Variants in MEF2A observed in about 807,000 individuals in gnomAD.
MEF2A encodes myocyte enhancer factor 2A, also known as myocyte-specific enhancer factor 2A.
Under a neutral mutation model 55.8 loss-of-function variants are expected in MEF2A, and 28 were observed. The observed-to-expected ratio is 0.50, with a 90% confidence interval of 0.37 to 0.69. The LOEUF is 0.69. Among genes scored for constraint, MEF2A ranks in the 30% least tolerant of loss-of-function variants. The pLI is 0.00. For synonymous variants in MEF2A, 239 were observed against 227.1 expected (o/e 1.05, Z -0.47); for missense variants, 528 against 626.2 (o/e 0.84, Z 1.67).
intron 8 of MEF2A, among the ~76,000 whole-genome samples, chr15:99,697,924 G>A (rs568149083): frequency 2.6e-5 from 4 of 152,274 alleles, no homozygotes; most frequent in Admixed American, 1.3e-4. Context: ...ACACCTATAC[G>A]TATATATTCA....
At chr15:99,665,731 CAAAAAAAA>C (rs752473261) in intron 4 of MEF2A, among the ~76,000 whole-genome samples, 11 of 20,254 alleles carry the variant, frequency 5.4e-4, no homozygotes, top group East Asian at 4.5e-3. Flanking sequence ...CTTAAATTTA[CAAAAAAAA>C]AAAAAAAAAA....
intron 8 of MEF2A, among the ~76,000 whole-genome samples, chr15:99,698,727 G>T (rs2153759448): frequency 6.6e-6 from 1 of 152,164 alleles, no homozygotes; most frequent in South Asian, 2.1e-4. Flanking sequence ...AGGAGGCAAA[G>T]GTTGCAGTGA....
chr15:99,712,533 A>AGCAGCCGCCGCCACCACC lies in MEF2A; in HGVS notation c.1287_1304dup (p.Pro430_Pro435dup). On this transcript the variant is annotated inframe_insertion, in exon 12 of 12. Transcript: ENST00000557942. This position sits in a 1 kb window ranked among gnomAD's most constrained non-coding sequence, Gnocchi z 4.1. The stretch of plus-strand genomic sequence containing the variant: ...CAGCAGCAGCAGCAGCAGCAGCAGC[A>AGCAGCCGCCGCCACCACC]GCAGCCGCCGCCACCACCGCAGCCC... 1 of 1,381,318 alleles carries AGCAGCCGCCGCCACCACC rather than the reference A, an allele frequency of 7.2e-7. No individual in the cohort carries two copies. The allele number at this position is 1,381,318 out of a possible 1,614,324, so 85.6% of individuals were successfully genotyped here. A position where few individuals can be genotyped will look rare whatever the true frequency, so the allele number is the denominator to read the frequency against.
intron 1 of MEF2A, among the ~76,000 whole-genome samples, chr15:99,585,920 G>T (rs1243300960): frequency 6.6e-6 from 1 of 151,772 alleles, no homozygotes; most frequent in Non-Finnish European, 1.5e-5. Context: ...AAATTTGTAG[G>T]TTTTTTTCCT....
At chr15:99,597,389 C>T (rs1320295858) in intron 1 of MEF2A, among the ~76,000 whole-genome samples, 3 of 152,052 alleles carry the variant, frequency 2.0e-5, no homozygotes, top group Admixed American at 6.6e-5. Flanking sequence ...AGGAAATTCC[C>T]GCCTAATAAA....
At chr15:99,590,924 G>C (rs1360055591) in intron 1 of MEF2A, among the ~76,000 whole-genome samples, 1 of 152,046 alleles carries the variant, frequency 6.6e-6, no homozygotes, top group African/African-American at 2.4e-5. Context: ...TCCTTGTGTA[G>C]AGCTAGGTTT....
At chr15:99,606,747 G>T (rs1036007143) in intron 2 of MEF2A, among the ~76,000 whole-genome samples, 1 of 152,180 alleles carries the variant, frequency 6.6e-6, no homozygotes, top group Non-Finnish European at 1.5e-5. Flanking sequence ...TTGAGAGGAT[G>T]TTAGGTTATG....
intron 7 of MEF2A, among the ~76,000 whole-genome samples, chr15:99,686,575 G>C (rs2054265734): frequency 2.0e-5 from 3 of 152,146 alleles, no homozygotes. Flanking sequence ...AGGGTTTCTG[G>C]AGAGAAATCT....
chr15:99,705,441 G>A (rs1389090373), intron 9 of MEF2A, among the ~76,000 whole-genome samples: 1 of 152,206 alleles, frequency 6.6e-6, no homozygotes, highest in East Asian at 1.9e-4. Context: ...GTGCAAGGCA[G>A]CCAGGACAAA....
At chr15:99,708,799 T>A (rs1022207379) in intron 10 of MEF2A, among the ~76,000 whole-genome samples, 1 of 152,104 alleles carries the variant, frequency 6.6e-6, no homozygotes, top group African/African-American at 2.4e-5. Flanking sequence ...GGAAGGAACA[T>A]GCGTGACTCA....
At chr15:99,672,871 C>T (rs1180324603) in intron 5 of MEF2A, among the ~76,000 whole-genome samples, 1 of 152,158 alleles carries the variant, frequency 6.6e-6, no homozygotes, top group East Asian at 1.9e-4. Context: ...ATGGAACCAT[C>T]AGAAAGCAAA....
intron 3 of MEF2A, among the ~76,000 whole-genome samples, chr15:99,641,973 T>A (rs991969691): frequency 6.6e-6 from 1 of 152,262 alleles, no homozygotes; most frequent in African/African-American, 2.4e-5. Context: ...TGACTGGTTT[T>A]TTTTGTTTGT....
intron 9 of MEF2A, among the ~76,000 whole-genome samples, chr15:99,705,967 C>T (rs1274154025): frequency 1.3e-5 from 2 of 152,230 alleles, no homozygotes; most frequent in Non-Finnish European, 1.5e-5. Flanking sequence ...TACTCCTACA[C>T]GTTAAGGACA....
At chr15:99,637,280 C>A (rs952259767) in intron 3 of MEF2A, among the ~76,000 whole-genome samples, 1 of 152,022 alleles carries the variant, frequency 6.6e-6, no homozygotes, top group Non-Finnish European at 1.5e-5. Context: ...GAATTGAAAT[C>A]TTTACAGTGT....
chr15:99,638,785 C>CTT (rs1424162277), intron 3 of MEF2A, among the ~76,000 whole-genome samples: 1 of 152,082 alleles, frequency 6.6e-6, no homozygotes, highest in African/African-American at 2.4e-5. Flanking sequence ...TATCTGATCC[C>CTT]TTTTTCTCTT....
At position 99,691,708 on chromosome 15, in the gene MEF2A, A is replaced by G. The variant is rs568093162; in HGVS notation, c.858+1280A>G. On this transcript the variant is annotated intron_variant, in intron 8 of 11. Coordinates refer to ENST00000557942, the MANE Select transcript of MEF2A (RefSeq NM_001319206.4). ...GCAAGACTCTGTCTCAAGAAAAAAAAAAGAAAAAATTCTGCATACCACAGA... is the reference window on the plus strand; with the variant it reads ...GCAAGACTCTGTCTCAAGAAAAAAAGAAGAAAAAATTCTGCATACCACAGA... Among the ~76,000 whole-genome samples, 4 of 152,298 alleles carry G rather than the reference A, an allele frequency of 2.6e-5. No individual in the cohort carries two copies. The South Asian group carries it at 8.3e-4, about 32-fold the overall frequency.
chr15:99,693,061 G>C (rs562525247), intron 8 of MEF2A, among the ~76,000 whole-genome samples: 1 of 152,252 alleles, frequency 6.6e-6, no homozygotes, highest in South Asian at 2.1e-4. Flanking sequence ...CCCACCCCCA[G>C]AGGGATATGA....
intron 10 of MEF2A, among the ~76,000 whole-genome samples, chr15:99,708,119 GT>G (rs1293203323): frequency 1.3e-5 from 2 of 152,210 alleles, no homozygotes; most frequent in Non-Finnish European, 2.9e-5. Flanking sequence ...TAGAAATTCT[GT>G]TTCGACGCAT....
At chr15:99,617,807 C>T (rs1413062772) in intron 2 of MEF2A, among the ~76,000 whole-genome samples, 1 of 151,982 alleles carries the variant, frequency 6.6e-6, no homozygotes, top group African/African-American at 2.4e-5. Context: ...TGTGTTTATG[C>T]CTGTGGGGGA....
Sources: allele counts gnomAD v4.1 joint callset (sites outside exome capture counted in the v4.1 genomes callset), GRCh38; gene constraint gnomAD v4.1.1; non-coding constraint Gnocchi (gnomAD v3.1); transcripts MANE v1.5; gene names NCBI Gene and HGNC (gene_info 2026-07-23, HGNC 2026-07-21).